PRTFDC1: variants seen among roughly 807,000 people sequenced by gnomAD.
PRTFDC1 encodes the protein phosphoribosyltransferase domain-containing protein 1.
Under a neutral mutation model 34.6 loss-of-function variants are expected in PRTFDC1, and 38 were observed. That is an observed-to-expected ratio of 1.10 (90% CI 0.85 to 1.44). The LOEUF is 1.44. Ranked by LOEUF, PRTFDC1 falls within the 40% of genes most tolerant of loss-of-function variation. The pLI is 0.00. For synonymous variants in PRTFDC1, 93 were observed against 98.1 expected, an observed-to-expected ratio of 0.95 and a Z score of 0.31; for missense variants, 270 against 283.0, an observed-to-expected ratio of 0.95 and a Z score of 0.33.
At chr10:24,949,751 T>TATTTA (rs58743711) in intron 1 of PRTFDC1, among the ~76,000 whole-genome samples, 5,526 of 139,902 alleles carry the variant, frequency 0.039, 274 homozygotes, top group African/African-American at 0.11. Flanking sequence ...TTTTTTTTTT[T>TATTTA]TTTTTAAGAA....
At chr10:24,859,936 C>A (rs1218121831) in intron 4 of PRTFDC1, among the ~76,000 whole-genome samples, 1 of 152,162 alleles carries the variant, frequency 6.6e-6, no homozygotes, top group Non-Finnish European at 1.5e-5. Context: ...ATTGGATTAG[C>A]AGTGACATGT....
chr10:24,882,494 C>T (rs576268115), intron 3 of PRTFDC1, among the ~76,000 whole-genome samples: 6 of 152,244 alleles, frequency 3.9e-5, no homozygotes, highest in South Asian at 2.1e-4. Flanking sequence ...AACTTGTAAG[C>T]GCGCATGTTA....
intron 3 of PRTFDC1, among the ~76,000 whole-genome samples, chr10:24,906,194 A>ATGCTTTCTCAT (rs1663070750): frequency 1.3e-5 from 2 of 152,146 alleles, no homozygotes; most frequent in South Asian, 4.2e-4. Flanking sequence ...TGCTTTCTCA[A>ATGCTTTCTCAT]TGCTTTCTCA....
chr10:24,886,804 C>T (rs905171620), intron 3 of PRTFDC1, among the ~76,000 whole-genome samples: 5 of 151,960 alleles, frequency 3.3e-5, no homozygotes, highest in Non-Finnish European at 7.4e-5. Flanking sequence ...TAACCAGCTC[C>T]CAGGTGATGG....
At chr10:24,904,585 C>T (rs1848502426) in intron 3 of PRTFDC1, among the ~76,000 whole-genome samples, 2 of 152,158 alleles carry the variant, frequency 1.3e-5, no homozygotes, top group Admixed American at 1.3e-4. Context: ...ACCTTCAATG[C>T]CACCTCTTGG....
At chr10:24,897,476 G>A (rs183358627) in intron 3 of PRTFDC1, among the ~76,000 whole-genome samples, 86 of 152,250 alleles carry the variant, frequency 5.6e-4, no homozygotes, top group African/African-American at 2.0e-3. Flanking sequence ...AAAAAATGAG[G>A]CAATGTGATG....
chr10:24,908,681 C>T lies in PRTFDC1; in HGVS notation c.339+28503G>A, dbSNP rs566767182. On this transcript the variant is annotated intron_variant, in intron 3 of 8. Transcript: ENST00000320152. ...GATGGTTGTCCTCTTCAACCGAGCACGCAGCTTTGGGAGAGACACACATGG... is the reference window on the plus strand; with the variant it reads ...GATGGTTGTCCTCTTCAACCGAGCATGCAGCTTTGGGAGAGACACACATGG... The T allele has an allele frequency of 4.9e-4, 779 of 1,597,930 alleles. 8 individuals carry two copies. The highest frequency in any genetic ancestry group is 3.6e-3 in the South Asian group (324 of 89,650).
chr10:24,926,972 T>C (rs1284656988), intron 3 of PRTFDC1, among the ~76,000 whole-genome samples: 2 of 152,214 alleles, frequency 1.3e-5, no homozygotes. Flanking sequence ...ATATGAAGAA[T>C]GTATGTCAAG....
chr10:24,903,967 C>A, intron 3 of PRTFDC1, among the ~76,000 whole-genome samples: 1 of 151,910 alleles, frequency 6.6e-6, no homozygotes, highest in South Asian at 2.1e-4. Flanking sequence ...GGGATTACAG[C>A]TGTGAGCTAC....
At chr10:24,874,220 T>G (rs529787728) in intron 3 of PRTFDC1, among the ~76,000 whole-genome samples, 52 of 152,234 alleles carry the variant, frequency 3.4e-4, no homozygotes, top group African/African-American at 1.2e-3. Context: ...GATTTTCTTC[T>G]TATGGGAATT....
chr10:24,867,032 TGGAG>T (rs1389015110), intron 4 of PRTFDC1, among the ~76,000 whole-genome samples: 3 of 142,370 alleles, frequency 2.1e-5, no homozygotes, highest in South Asian at 2.3e-4. Context: ...AAAAGAGAGA[TGGAG>T]GGAGGGAGAG....
At chr10:24,905,801 A>T (rs116950957) in intron 3 of PRTFDC1, among the ~76,000 whole-genome samples, 116 of 152,236 alleles carry the variant, frequency 7.6e-4, no homozygotes, top group Non-Finnish European at 1.5e-3. Context: ...TAGAGGAACT[A>T]GTAGTTATTG....
intron 3 of PRTFDC1, among the ~76,000 whole-genome samples, chr10:24,904,755 C>A (rs1043191721): frequency 6.6e-6 from 1 of 152,184 alleles, no homozygotes. Flanking sequence ...TGCTACTGAT[C>A]CTGTCCATGT....
chr10:24,932,026 T>C (rs946796345), intron 3 of PRTFDC1, among the ~76,000 whole-genome samples: 42 of 151,910 alleles, frequency 2.8e-4, no homozygotes, highest in Admixed American at 1.9e-3. Flanking sequence ...TAATATGTCA[T>C]TATATTACAT....
rs1460774624 is a variant in PRTFDC1 at position 24,952,185 on chromosome 10, G to C, written c.48+343C>G. ...GAAGGAGGCCTCCAGAGCAGCACGC[G>C]GGGGTCTCTGGGGCCCTGCCGGGCT... On this transcript the variant is annotated intron_variant, in intron 1 of 8. Transcript: ENST00000320152. The surrounding 1 kb of genome is among the most constrained non-coding windows in gnomAD (Gnocchi z 5.1). 6.6e-6 allele frequency among the ~76,000 whole-genome samples: 1 copy of C among 152,224 alleles called. No individual in the cohort carries two copies. Among genetic ancestry groups the C allele is most frequent in the Non-Finnish European group, 1.5e-5 (1 of 68,042 alleles).
intron 3 of PRTFDC1, among the ~76,000 whole-genome samples, chr10:24,928,487 A>C (rs1244807798): frequency 1.3e-5 from 2 of 152,080 alleles, no homozygotes; most frequent in Non-Finnish European, 2.9e-5. Context: ...TCTGTTGCCC[A>C]GGCCGGAGTG....
At chr10:24,908,643 C>T in intron 3 of PRTFDC1, 1 of 1,611,706 alleles carries the variant, frequency 6.2e-7, no homozygotes. Flanking sequence ...AAGGCCAGTC[C>T]TCCTCTATCA....
intron 2 of PRTFDC1, among the ~76,000 whole-genome samples, chr10:24,941,722 T>G (rs1334980832): frequency 2.0e-5 from 3 of 152,172 alleles, no homozygotes; most frequent in Non-Finnish European, 4.4e-5. Context: ...ATTAGAAAAT[T>G]CAGGTAAGAA....
chr10:24,858,929 G>C (rs1241272456), intron 4 of PRTFDC1, among the ~76,000 whole-genome samples: 1 of 152,118 alleles, frequency 6.6e-6, no homozygotes, highest in Non-Finnish European at 1.5e-5. Flanking sequence ...GAAAGGGCTG[G>C]GAGGTGCCTG....
Sources: allele counts gnomAD v4.1 joint callset (sites outside exome capture counted in the v4.1 genomes callset), GRCh38; gene constraint gnomAD v4.1.1; non-coding constraint Gnocchi (gnomAD v3.1); transcripts MANE v1.5; gene names NCBI Gene and HGNC (gene_info 2026-07-23, HGNC 2026-07-21).